Variants in SCFD2 observed in about 807,000 individuals in gnomAD.
SCFD2 encodes the protein sec1 family domain containing 2.
SCFD2 carries 54 observed loss-of-function variants against 58.9 expected under a neutral mutation model. The ratio of observed to expected loss-of-function variants is 0.92; its 90% CI spans 0.74 to 1.15. The LOEUF (loss-of-function observed/expected upper bound fraction) is 1.15. Among genes scored for constraint, SCFD2 ranks in the 50% most tolerant of loss-of-function variants. The pLI, the probability that SCFD2 is intolerant of heterozygous loss-of-function variation, is 0.00. For missense variants in SCFD2, 805 were observed against 836.6 expected (o/e 0.96, Z 0.47); for synonymous variants, 321 against 335.9 (o/e 0.96, Z 0.49).
At chr4:52,920,486 A>G (rs555569952) in intron 6 of SCFD2, among the ~76,000 whole-genome samples, 7 of 152,272 alleles carry the variant, frequency 4.6e-5, no homozygotes, top group African/African-American at 1.2e-4. Flanking sequence ...CCACAGTTAG[A>G]AAGCCATGGC....
intron 5 of SCFD2, among the ~76,000 whole-genome samples, chr4:53,063,387 A>G (rs1019190336): frequency 6.6e-6 from 1 of 152,182 alleles, no homozygotes; most frequent in Admixed American, 6.6e-5. Flanking sequence ...TAAAAGAAGC[A>G]TAGTTCTTTA....
At chr4:52,953,473 G>A (rs1720646194) in intron 5 of SCFD2, among the ~76,000 whole-genome samples, 1 of 152,172 alleles carries the variant, frequency 6.6e-6, no homozygotes. Context: ...CCCGATCTAG[G>A]AATAAAGAAA....
chr4:52,898,709 G>T (rs888906269), intron 7 of SCFD2, among the ~76,000 whole-genome samples: 19 of 152,158 alleles, frequency 1.2e-4, no homozygotes, highest in African/African-American at 4.6e-4. Flanking sequence ...GGATATCCTT[G>T]TGAATTTTCT....
At chr4:53,241,018 C>T (rs1485656996) in intron 4 of SCFD2, among the ~76,000 whole-genome samples, 2 of 152,172 alleles carry the variant, frequency 1.3e-5, no homozygotes, top group African/African-American at 4.8e-5. Context: ...AGATACTAGA[C>T]TGAAGGGGAA....
chr4:53,352,863 A>G (rs183941269), intron 1 of SCFD2, 97 bp from the exon 2 acceptor site: 6 of 1,068,764 alleles, frequency 5.6e-6, no homozygotes, highest in Non-Finnish European at 8.2e-6. Context: ...AAAATAACAT[A>G]CATTTTTAGT....
chr4:53,097,737 A>G (rs1216342005), intron 5 of SCFD2, among the ~76,000 whole-genome samples: 1 of 152,212 alleles, frequency 6.6e-6, no homozygotes, highest in African/African-American at 2.4e-5. Flanking sequence ...CCCTGGCCAG[A>G]ACTTCCAATA....
chr4:53,145,600 AT>A lies in SCFD2; in HGVS notation c.1312-19del. 1 of 1,602,946 alleles carries A rather than the reference AT, an allele frequency of 6.2e-7. No homozygotes were observed. The highest frequency in any genetic ancestry group is 8.5e-7 in the Non-Finnish European group (1 of 1,174,504). ...CCAATGCTCTAAAATAAAAAATGAT[AT>A]GAAAATATGTCAATCTTGTATAAAG... On this transcript the variant is annotated intron_variant, in intron 4 of 8. Transcript: ENST00000401642.
chr4:53,202,669 A>T lies in SCFD2; in HGVS notation c.1312-57087T>A, dbSNP rs566328198. On this transcript the variant is annotated intron_variant, in intron 4 of 8. Transcript: ENST00000401642. ...CCTCCTACCCATGAGCATGGAATGTACTTCCATTTGTTTGTATCCTCTTTT... is the reference window on the plus strand; with the variant it reads ...CCTCCTACCCATGAGCATGGAATGTTCTTCCATTTGTTTGTATCCTCTTTT... Among the ~76,000 whole-genome samples the T allele has an allele frequency of 2.4e-4, 37 of 152,204 alleles. No homozygotes were observed. The East Asian group carries it at 4.4e-3, about 18-fold the overall frequency.
intron 5 of SCFD2, among the ~76,000 whole-genome samples, chr4:53,022,143 A>G (rs1722364158): frequency 6.6e-6 from 1 of 152,206 alleles, no homozygotes; most frequent in African/African-American, 2.4e-5. Flanking sequence ...ATCCCTGGCA[A>G]GTTGGGAAAG....
At chr4:53,257,292 A>G (rs1345242348) in intron 4 of SCFD2, among the ~76,000 whole-genome samples, 2 of 152,212 alleles carry the variant, frequency 1.3e-5, no homozygotes, top group Non-Finnish European at 2.9e-5. Flanking sequence ...AAGGGGCAGG[A>G]CAGAGTGCCT....
chr4:53,249,977 A>C (rs1231038233), intron 4 of SCFD2, among the ~76,000 whole-genome samples: 2 of 152,226 alleles, frequency 1.3e-5, no homozygotes, highest in Non-Finnish European at 2.9e-5. Context: ...AAATGAACTA[A>C]ATGCTCCCAT....
intron 3 of SCFD2, among the ~76,000 whole-genome samples, chr4:53,283,884 G>A (rs531351660): frequency 7.2e-5 from 11 of 152,086 alleles, no homozygotes; most frequent in Admixed American, 2.0e-4. Flanking sequence ...TTGGGAGGCC[G>A]AGGTGGGCGG....
intron 5 of SCFD2, among the ~76,000 whole-genome samples, chr4:53,112,820 T>C (rs1449007341): frequency 6.6e-6 from 1 of 152,084 alleles, no homozygotes; most frequent in Non-Finnish European, 1.5e-5. Flanking sequence ...TGTTGATGCC[T>C]AAATCAAGCC....
intron 2 of SCFD2, among the ~76,000 whole-genome samples, chr4:53,343,208 G>T (rs1230815565): frequency 6.6e-6 from 1 of 151,948 alleles, no homozygotes; most frequent in African/African-American, 2.4e-5. Flanking sequence ...TTGATAGACC[G>T]CTAACAAGAC....
chr4:52,887,065 C>T (rs1227076033), intron 7 of SCFD2, among the ~76,000 whole-genome samples: 2 of 152,246 alleles, frequency 1.3e-5, no homozygotes, highest in Non-Finnish European at 2.9e-5. Context: ...AGAGCCTCAT[C>T]CTCCTGGTTT....
At chr4:53,066,476 G>A (rs781298482) in intron 5 of SCFD2, among the ~76,000 whole-genome samples, 34 of 151,946 alleles carry the variant, frequency 2.2e-4, no homozygotes, top group Non-Finnish European at 4.4e-4. Context: ...TTCAAATTCT[G>A]TACCAAAAAG....
chr4:52,884,246 G>C (rs1393716842), intron 8 of SCFD2, among the ~76,000 whole-genome samples: 1 of 152,230 alleles, frequency 6.6e-6, no homozygotes, highest in Non-Finnish European at 1.5e-5. Context: ...TATGTGGAAA[G>C]AGCCTGGAGC....
At chr4:53,194,106 A>G in intron 4 of SCFD2, among the ~76,000 whole-genome samples, 1 of 152,212 alleles carries the variant, frequency 6.6e-6, no homozygotes, top group East Asian at 1.9e-4. Context: ...TACAACCAAC[A>G]TATACACAGA....
chr4:53,228,075 C>T (rs1729282820), intron 4 of SCFD2, among the ~76,000 whole-genome samples: 2 of 152,112 alleles, frequency 1.3e-5, no homozygotes, highest in Non-Finnish European at 2.9e-5. Flanking sequence ...TCTGTTCCTT[C>T]CTCTGTAAAA....
Sources: allele counts gnomAD v4.1 joint callset (sites outside exome capture counted in the v4.1 genomes callset), GRCh38; gene constraint gnomAD v4.1.1; transcripts MANE v1.5; gene names NCBI Gene and HGNC (gene_info 2026-07-23, HGNC 2026-07-21).